The following GHR variants were observed in gnomAD, a reference collection of about 807,000 sequenced individuals.
GHR encodes the protein growth hormone receptor, also known as GH receptor.
Under a neutral mutation model 67.1 loss-of-function variants are expected in GHR, and 35 were observed. That is an observed-to-expected ratio of 0.52 (90% CI 0.40 to 0.69). The LOEUF is 0.69. GHR is among the 30% of genes least tolerant of loss of function. The pLI, the probability that GHR is intolerant of heterozygous loss-of-function variation, is 0.00. For missense variants in GHR, 792 were observed against 764.6 expected, an observed-to-expected ratio of 1.04 and a Z score of -0.42; for synonymous variants, 272 against 269.1, an observed-to-expected ratio of 1.01 and a Z score of -0.10.
intron 2 of GHR, among the ~76,000 whole-genome samples, chr5:42,627,179 G>A (rs1230664209): frequency 6.6e-6 from 1 of 151,948 alleles, no homozygotes; most frequent in Non-Finnish European, 1.5e-5. Flanking sequence ...TCATTCACAT[G>A]TTTATTTCTA....
chr5:42,646,414 C>T (rs375089249), intron 3 of GHR: 6 of 448,710 alleles, frequency 1.3e-5, no homozygotes, highest in Middle Eastern at 3.3e-4. Flanking sequence ...AAAACTAATA[C>T]GGGTTAGTGT....
Position 42,543,967 on chromosome 5 carries a change from A to C in GHR, c.-11-21897A>C, listed in dbSNP as rs1640004535. On this transcript the variant is annotated intron_variant, in intron 1 of 9. Transcript: ENST00000230882. Reference sequence around the variant, plus strand: ...AGTGTTTGGCACAGAAGAAGTTCAAAGTACAACTTTGCACTGCCACGTTGA... The same window carrying C: ...AGTGTTTGGCACAGAAGAAGTTCAACGTACAACTTTGCACTGCCACGTTGA... 1.3e-5 allele frequency among the ~76,000 whole-genome samples: 2 copies of C among 152,108 alleles called. 1 individual carries two copies. The highest frequency in any genetic ancestry group is 1.3e-4 in the Admixed American group (2 of 15,258).
intron 2 of GHR, among the ~76,000 whole-genome samples, chr5:42,595,342 C>T (rs1444116643): frequency 1.3e-5 from 2 of 152,210 alleles, no homozygotes; most frequent in African/African-American, 4.8e-5. Flanking sequence ...GCAGTAAAAA[C>T]TATACTTCTC....
At chr5:42,583,467 C>A (rs1446055866) in intron 2 of GHR, among the ~76,000 whole-genome samples, 1 of 152,204 alleles carries the variant, frequency 6.6e-6, no homozygotes, top group Non-Finnish European at 1.5e-5. Context: ...AGTGGAAGTG[C>A]TGACAAGCAG....
Position 42,718,649 on chromosome 5 carries a change from A to G in GHR, c.1142A>G (p.Asp381Gly). The change falls in exon 10 of 10, where the codon GAT becomes GGT. Residue 381 changes from aspartate to glycine, a missense_variant. Transcript: ENST00000230882. ...EKSHSNLGVK[D>G]GDSGRTSCCE... ...TCACATAGTAACCTAGGGGTGAAGG[A>G]TGGCGACTCTGGACGTACCAGCTGT... The G allele has an allele frequency of 6.2e-7, 1 of 1,614,194 alleles. No individual in the cohort carries two copies. The highest frequency in any genetic ancestry group is 2.2e-5 in the East Asian group (1 of 44,884).
intron 2 of GHR, among the ~76,000 whole-genome samples, chr5:42,603,625 C>A (rs2112642675): frequency 6.6e-6 from 1 of 152,188 alleles, no homozygotes; most frequent in East Asian, 1.9e-4. Context: ...ATTTAGTCTT[C>A]TCTTGAATAC....
At chr5:42,707,512 T>C (rs891561064) in intron 6 of GHR, among the ~76,000 whole-genome samples, 12 of 152,022 alleles carry the variant, frequency 7.9e-5, no homozygotes, top group African/African-American at 2.9e-4. Context: ...GATAATTTGA[T>C]AGGTATTGCA....
At chr5:42,563,566 C>T (rs1357394978) in intron 1 of GHR, among the ~76,000 whole-genome samples, 3 of 138,360 alleles carry the variant, frequency 2.2e-5, no homozygotes, top group African/African-American at 8.4e-5. Context: ...TGCAGTGAGC[C>T]GAGATTGCGC....
chr5:42,434,954 T>C (rs1410996295), intron 1 of GHR, among the ~76,000 whole-genome samples: 1 of 152,196 alleles, frequency 6.6e-6, no homozygotes, highest in Non-Finnish European at 1.5e-5. Context: ...CTTTACTATC[T>C]TTGTGACTCT....
At chr5:42,567,940 A>T (rs1340981670) in intron 2 of GHR, among the ~76,000 whole-genome samples, 6 of 152,204 alleles carry the variant, frequency 3.9e-5, no homozygotes, top group Non-Finnish European at 8.8e-5. Flanking sequence ...CCAGGTCTGG[A>T]TTGTAGCCAA....
intron 1 of GHR, among the ~76,000 whole-genome samples, chr5:42,534,480 G>GTATGTATATATGTACATATGTATATA (rs1561103053): frequency 7.1e-6 from 1 of 140,158 alleles, no homozygotes; most frequent in Non-Finnish European, 1.5e-5. Context: ...ATATGTATAT[G>GTATGTATATATGTACATATGTATATA]TGTATATATG....
At chr5:42,485,073 T>C (rs1745815394) in intron 1 of GHR, among the ~76,000 whole-genome samples, 1 of 152,202 alleles carries the variant, frequency 6.6e-6, no homozygotes, top group Non-Finnish European at 1.5e-5. Context: ...TTCCTAGCAC[T>C]GAGTTGCTTA....
chr5:42,511,572 C>G (rs951276622), intron 1 of GHR, among the ~76,000 whole-genome samples: 1 of 152,084 alleles, frequency 6.6e-6, no homozygotes, highest in African/African-American at 2.4e-5. Flanking sequence ...AAACAGTCCT[C>G]TGTTTTTTGT....
intron 1 of GHR, among the ~76,000 whole-genome samples, chr5:42,531,965 G>A (rs908317571): frequency 6.6e-6 from 1 of 151,854 alleles, no homozygotes; most frequent in Non-Finnish European, 1.5e-5. Flanking sequence ...TTTCTCGTAG[G>A]CTAGTGAGAA....
chr5:42,505,101 G>T (rs1746703826), intron 1 of GHR, among the ~76,000 whole-genome samples: 2 of 148,924 alleles, frequency 1.3e-5, no homozygotes, highest in South Asian at 4.3e-4. Flanking sequence ...TGTTAAACAT[G>T]CATGTTGGGA....
chr5:42,452,895 A>C (rs1389844552), intron 1 of GHR, among the ~76,000 whole-genome samples: 1 of 152,098 alleles, frequency 6.6e-6, no homozygotes, highest in Middle Eastern at 3.2e-3. Flanking sequence ...TTGTCTGGAA[A>C]TTCAGAGATT....
At chr5:42,468,164 T>A (rs1467458341) in intron 1 of GHR, 7 of 1,334,748 alleles carry the variant, frequency 5.2e-6, no homozygotes, top group Admixed American at 1.7e-5. Flanking sequence ...TCAAGGCCTG[T>A]CTGACGAAAC....
chr5:42,605,921 C>T lies in GHR; in HGVS notation c.71-23117C>T, dbSNP rs936241632. Among the ~76,000 whole-genome samples the T allele has an allele frequency of 1.3e-4, 20 of 152,318 alleles. No homozygotes were observed. In the South Asian group the frequency reaches 1.7e-3, roughly 13 times the overall value. Reference sequence around the variant, plus strand: ...GAATATTATGTATGCAGTCTAACTCCGTCCAGGGAGAAACTGAGAGCTGGG... The same window carrying T: ...GAATATTATGTATGCAGTCTAACTCTGTCCAGGGAGAAACTGAGAGCTGGG... On this transcript the variant is annotated intron_variant, in intron 2 of 9. Coordinates refer to ENST00000230882, the MANE Select transcript of GHR (RefSeq NM_000163.5).
chr5:42,621,358 C>G (rs924807398), intron 2 of GHR, among the ~76,000 whole-genome samples: 4 of 152,164 alleles, frequency 2.6e-5, no homozygotes, highest in Admixed American at 2.6e-4. Flanking sequence ...CCTTATTATG[C>G]TAGGGACTGC....
Sources: gnomAD v4.1 joint callset for allele counts (sites outside exome capture counted in the v4.1 genomes callset) on GRCh38, gnomAD v4.1.1 for gene constraint, MANE v1.5 for transcripts, NCBI Gene and HGNC (gene_info 2026-07-23, HGNC 2026-07-21) for gene names.